POMT2: variants seen among roughly 807,000 people sequenced by gnomAD.
POMT2 encodes the protein protein O-mannosyltransferase 2, also known as protein O-mannosyl-transferase 2.
Under a neutral mutation model 100.0 loss-of-function variants are expected in POMT2, and 75 were observed. That is an observed-to-expected ratio of 0.75 (90% CI 0.62 to 0.91). POMT2 has a LOEUF of 0.91. POMT2 is among the 40% of genes least tolerant of loss of function. The pLI is 0.00. For missense variants in POMT2, 940 were observed against 955.1 expected, an observed-to-expected ratio of 0.98 and a Z score of 0.21; for synonymous variants, 378 against 374.1, an observed-to-expected ratio of 1.01 and a Z score of -0.12.
rs564416579 is a variant in POMT2 at position 77,308,498 on chromosome 14, G to A, written c.334-2057C>T. ...AGCCTCCCAAGTAGCTAGGATTACA[G>A]GCACCTGCCACCACGCCCGGCTAAT... On this transcript the variant is annotated intron_variant, in intron 2 of 20. Coordinates refer to ENST00000261534, the MANE Select transcript of POMT2 (RefSeq NM_013382.7). 3.9e-5 allele frequency among the ~76,000 whole-genome samples: 6 copies of A among 151,930 alleles called. No individual in the cohort carries two copies. In the South Asian group the frequency reaches 1.0e-3, roughly 26 times the overall value.
At chr14:77,305,698 G>A (rs757044106) in intron 3 of POMT2, among the ~76,000 whole-genome samples, 1 of 152,228 alleles carries the variant, frequency 6.6e-6, no homozygotes, top group Non-Finnish European at 1.5e-5. Context: ...AGCTTCTGCT[G>A]GCTTCATTCA....
At chr14:77,308,385 T>C (rs1319348703) in intron 2 of POMT2, among the ~76,000 whole-genome samples, 3 of 149,816 alleles carry the variant, frequency 2.0e-5, no homozygotes, top group Non-Finnish European at 4.5e-5. Flanking sequence ...GATGAAGTGT[T>C]GCTCTTGTCA....
At chr14:77,297,223 T>C (rs775899971) in intron 8 of POMT2, among the ~76,000 whole-genome samples, 5 of 152,234 alleles carry the variant, frequency 3.3e-5, no homozygotes, top group Admixed American at 6.5e-5. Context: ...GCCCTGCACA[T>C]GGCTGACCAC....
At chr14:77,320,270 A>C in intron 1 of POMT2, 164 bp downstream of exon 1, 1 of 1,199,824 alleles carries the variant, frequency 8.3e-7, no homozygotes, top group Non-Finnish European at 1.2e-6. Flanking sequence ...TCCCCCTCCC[A>C]GAGAATGCAC....
rs757902511 is a variant in POMT2 at position 77,302,858 on chromosome 14, G to C, written c.633C>G (p.Val211=). 9 of 1,612,910 alleles carry C rather than the reference G, an allele frequency of 5.6e-6. No homozygotes were observed. Among genetic ancestry groups the C allele is most frequent in the South Asian group, 4.4e-5 (4 of 91,044 alleles). ...ACCTGTCGGCGCAAGAGTTGTACTT[G>C]ACCATGCTCAGCATGGCAGCCATGA... ...FFIMAAMLSM[V]KYNSCADRPF... is the part of the protein sequence containing the mutation. Residue 211 remains valine, a synonymous_variant, in exon 5 of 21, where the codon GTC becomes GTG. Coordinates refer to ENST00000261534, the MANE Select transcript of POMT2 (RefSeq NM_013382.7).
At chr14:77,302,999 A>G (rs1261664206) in intron 4 of POMT2, 56 bp from the exon 5 acceptor site, 1 of 1,314,216 alleles carries the variant, frequency 7.6e-7, no homozygotes, top group African/African-American at 1.5e-5. Context: ...GCCCCCTGAA[A>G]ACCAAGCACC....
At chr14:77,312,173 T>C in intron 1 of POMT2, 140 bp from the exon 2 acceptor site, 4 of 1,370,374 alleles carry the variant, frequency 2.9e-6, no homozygotes, top group South Asian at 3.0e-5. Context: ...AAAAAATATT[T>C]TGACACAAGT....
Position 77,291,329 on chromosome 14 carries a change from G to A in POMT2, c.1168C>T (p.His390Tyr). The A allele has an allele frequency of 6.2e-7, 1 of 1,602,778 alleles. No homozygotes were observed. The highest frequency in any genetic ancestry group is 1.7e-5 in the Admixed American group (1 of 57,744). Residue 390 changes from histidine to tyrosine, a missense_variant, in exon 10 of 21, where the codon CAT becomes TAT. By Grantham distance (83) the His-to-Tyr change is moderately conservative. Coordinates refer to ENST00000261534, the MANE Select transcript of POMT2 (RefSeq NM_013382.7). ...ACCACATTACCTGAGTTTGTGTTAT[G>A]TTTCTTGATAATCCACAGGTTGTTG... ...DYNNLWIIKK[H>Y]NTNSDPLDPS...
chr14:77,295,296 C>T (rs1185962878), intron 9 of POMT2, among the ~76,000 whole-genome samples: 1 of 152,164 alleles, frequency 6.6e-6, no homozygotes, highest in Non-Finnish European at 1.5e-5. Flanking sequence ...CTCACAACTG[C>T]CCTTTGATGG....
In POMT2 at chr14:77,276,805, T is replaced by C. The variant is rs1285760534; in HGVS notation, c.*571A>G. On this transcript the variant is annotated 3_prime_UTR_variant, in exon 21 of 21. Transcript: ENST00000261534. ...CGCCTTCCTCCACGCTGGATTCATT[T>C]GTTTGTGGGAGGGAGGGCAGCACAA... 1 of 154,124 alleles carries C rather than the reference T, an allele frequency of 6.5e-6. No homozygotes were observed. Among genetic ancestry groups the C allele is most frequent in the Non-Finnish European group, 1.4e-5 (1 of 69,308 alleles). 9.5% of individuals were successfully genotyped at this position (154,124 alleles called of 1,614,324 possible). A position where few individuals can be genotyped will look rare whatever the true frequency, so the allele number is the denominator to read the frequency against.
chr14:77,308,533 T>A (rs941253835), intron 2 of POMT2, among the ~76,000 whole-genome samples: 2 of 151,832 alleles, frequency 1.3e-5, no homozygotes, highest in African/African-American at 4.8e-5. Context: ...TTTTTGTTTT[T>A]TTAGTAGAGA....
At chr14:77,285,874 C>G (rs1189687327) in intron 12 of POMT2, among the ~76,000 whole-genome samples, 1 of 152,162 alleles carries the variant, frequency 6.6e-6, no homozygotes, top group East Asian at 1.9e-4. Context: ...AACCAGAAGT[C>G]CAGGAGTCCA....
rs527535116 is a variant in POMT2, at chr14:77,316,934, A to G, written c.248+3500T>C. On this transcript the variant is annotated intron_variant, in intron 1 of 20. Coordinates refer to ENST00000261534, the MANE Select transcript of POMT2 (RefSeq NM_013382.7). ...GGAAACACATCATGGCTGCCTGCCA[A>G]TAGGACAGACTGGATCACTCACGTA... Among the ~76,000 whole-genome samples the G allele has an allele frequency of 7.7e-4, 117 of 152,348 alleles. 1 individual carries two copies. Among genetic ancestry groups the G allele is most frequent in the Non-Finnish European group, 2.2e-4 (15 of 68,030 alleles).
At position 77,286,798 on chromosome 14, in the gene POMT2, G is replaced by A. The variant is rs1446845165; in HGVS notation, c.1278C>T (p.His426=). 1 of 1,614,214 alleles carries A rather than the reference G, an allele frequency of 6.2e-7. No individual in the cohort carries two copies. The highest frequency in any genetic ancestry group is 1.7e-5 in the Admixed American group (1 of 60,026). Residue 426 remains histidine, a synonymous_variant, in exon 12 of 21, where the codon CAC becomes CAT. Transcript: ENST00000261534. ...HKETSRNLHS[H]YHEAPMTRKH... is the part of the protein sequence containing the mutation. ...TCCGGGTCATGGGGGCCTCATGATA[G>A]TGACTGTGCAAGTTCCGGGAAGTTC...
chr14:77,280,318 C>CT (rs1258542008), intron 16 of POMT2, 74 bp downstream of exon 16: 3 of 1,604,384 alleles, frequency 1.9e-6, no homozygotes, highest in Admixed American at 1.7e-5. Context: ...GTACACCCAC[C>CT]CCCGCCTCCA....
chr14:77,296,996 A>G (rs1291042086), intron 8 of POMT2, among the ~76,000 whole-genome samples: 1 of 152,258 alleles, frequency 6.6e-6, no homozygotes, highest in Non-Finnish European at 1.5e-5. Flanking sequence ...ACTGACAAGT[A>G]TAGGACAGTG....
At chr14:77,307,893 C>T (rs149223518) in intron 2 of POMT2, among the ~76,000 whole-genome samples, 7,559 of 126,100 alleles carry the variant, frequency 0.06, 244 homozygotes, top group Middle Eastern at 0.094. Flanking sequence ...GACAGAGTCT[C>T]GCTCTGTCAC....
intron 9 of POMT2, among the ~76,000 whole-genome samples, chr14:77,294,210 T>C (rs1331252449): frequency 2.0e-5 from 3 of 152,284 alleles, no homozygotes; most frequent in East Asian, 1.9e-4. Context: ...TTTGGCTTTA[T>C]GTCCCCACCC....
At chr14:77,316,935 T>C (rs1566664372) in intron 1 of POMT2, among the ~76,000 whole-genome samples, 1 of 152,162 alleles carries the variant, frequency 6.6e-6, no homozygotes, top group South Asian at 2.1e-4. Flanking sequence ...TGCCTGCCAA[T>C]AGGACAGACT....
Sources: allele counts gnomAD v4.1 joint callset (sites outside exome capture counted in the v4.1 genomes callset), GRCh38; gene constraint gnomAD v4.1.1; transcripts MANE v1.5; gene names NCBI Gene and HGNC (gene_info 2026-07-23, HGNC 2026-07-21).